TENM2: variants seen among roughly 807,000 people sequenced by gnomAD.
The protein encoded by TENM2 is teneurin-2.
Under a neutral mutation model 245.2 loss-of-function variants are expected in TENM2, and 52 were observed. The observed-to-expected ratio is 0.21, with a 90% CI of 0.17 to 0.27. The LOEUF is 0.27. TENM2 is among the 10% of genes least tolerant of loss of function. TENM2 has a pLI of 1.00. For synonymous variants in TENM2, 1,363 were observed against 1,438.9 expected (o/e 0.95, Z 1.19); for missense variants, 3,046 against 3,666.8 (o/e 0.83, Z 4.37).
intron 4 of TENM2, among the ~76,000 whole-genome samples, chr5:167,986,886 C>T (rs1401444806): frequency 6.6e-6 from 1 of 152,206 alleles, no homozygotes; most frequent in Admixed American, 6.5e-5. Context: ...CTGGCCAAAC[C>T]ATTACCTTGT....
At chr5:168,181,953 C>T (rs1354359681) in intron 13 of TENM2, among the ~76,000 whole-genome samples, 2 of 151,942 alleles carry the variant, frequency 1.3e-5, no homozygotes, top group African/African-American at 2.4e-5. Context: ...CTGGGATTAC[C>T]GGCGTGAGCC....
At chr5:167,726,068 A>G (rs113514595) in intron 2 of TENM2, among the ~76,000 whole-genome samples, 2,025 of 152,326 alleles carry the variant, frequency 0.013, 44 homozygotes, top group African/African-American at 0.046. Context: ...CTAGATTGTC[A>G]GATGGTAGGG....
intron 2 of TENM2, among the ~76,000 whole-genome samples, chr5:167,869,054 G>T (rs1045748235): frequency 6.6e-6 from 1 of 152,164 alleles, no homozygotes; most frequent in Non-Finnish European, 1.5e-5. Context: ...CTCCCAAATA[G>T]TAGAGTAAGT....
chr5:167,967,501 AGGTACCT>A (rs1197162833), intron 4 of TENM2, among the ~76,000 whole-genome samples: 1 of 152,244 alleles, frequency 6.6e-6, no homozygotes, highest in Non-Finnish European at 1.5e-5. Flanking sequence ...TGGAAAGTGG[AGGTACCT>A]AAGGAGAAGC....
intron 8 of TENM2, among the ~76,000 whole-genome samples, chr5:168,092,153 A>G (rs1792999015): frequency 6.6e-6 from 1 of 152,228 alleles, no homozygotes; most frequent in Non-Finnish European, 1.5e-5. Flanking sequence ...CCAACCTGAA[A>G]TTCAGGTGGC....
At chr5:167,355,372 G>A (rs1453134144) in intron 1 of TENM2, among the ~76,000 whole-genome samples, 3 of 70,674 alleles carry the variant, frequency 4.2e-5, no homozygotes, top group African/African-American at 5.2e-5. Flanking sequence ...TTTCTTATCC[G>A]AATGGAGATT....
At position 167,864,682 on chromosome 5, in the gene TENM2, T is replaced by G. The variant is rs138444129; in HGVS notation, c.503-11304T>G. Among the ~76,000 whole-genome samples, 925 of 152,328 alleles carry G rather than the reference T, an allele frequency of 6.1e-3. 6 individuals are homozygous for G. The highest frequency in any genetic ancestry group is 0.014 in the South Asian group (66 of 4,830). On this transcript the variant is annotated intron_variant, in intron 2 of 28. Transcript: ENST00000518659. ...GTGCACTGTGGCATGAGGTCTAAAA[T>G]CAGAAAACCTCGGTTCCAACTCTTC...
intron 2 of TENM2, among the ~76,000 whole-genome samples, chr5:167,740,070 G>A (rs1761068368): frequency 1.3e-5 from 2 of 152,174 alleles, no homozygotes; most frequent in South Asian, 2.1e-4. Context: ...CTAGGAGACT[G>A]CCAGCTTGCT....
chr5:168,177,795 C>A (rs1759489582), intron 13 of TENM2, among the ~76,000 whole-genome samples: 1 of 152,212 alleles, frequency 6.6e-6, no homozygotes, highest in Non-Finnish European at 1.5e-5. Context: ...CAAGATTGCA[C>A]CACTGCACTG....
At chr5:167,664,325 A>G (rs1263194379) in intron 2 of TENM2, among the ~76,000 whole-genome samples, 2 of 152,244 alleles carry the variant, frequency 1.3e-5, no homozygotes, top group East Asian at 3.8e-4. Context: ...AGCATTAGAT[A>G]AACAAAATCC....
intron 2 of TENM2, among the ~76,000 whole-genome samples, chr5:167,694,627 G>C (rs1337870672): frequency 6.6e-6 from 1 of 152,052 alleles, no homozygotes; most frequent in Non-Finnish European, 1.5e-5. Context: ...GAGCTTAGTG[G>C]AAAAAGTCTG....
At chr5:167,087,628 G>A in the TENM2 span, among the ~76,000 whole-genome samples, 1 of 152,112 alleles carries the variant, frequency 6.6e-6, no homozygotes, top group Non-Finnish European at 1.5e-5. Flanking sequence ...TTAAATGAAC[G>A]TTCTGTGCGT....
At chr5:167,845,987 C>T (rs1770005901) in intron 2 of TENM2, among the ~76,000 whole-genome samples, 1 of 152,164 alleles carries the variant, frequency 6.6e-6, no homozygotes, top group South Asian at 2.1e-4. Context: ...CCAGCCTCAT[C>T]CTTCACCCCA....
the TENM2 span, among the ~76,000 whole-genome samples, chr5:166,985,126 G>A: frequency 2.0e-5 from 3 of 152,206 alleles, no homozygotes; most frequent in South Asian, 6.2e-4. Flanking sequence ...AAGGTGGTTT[G>A]GTTATAATTC....
chr5:167,622,961 A>G (rs1197620804), intron 2 of TENM2, among the ~76,000 whole-genome samples: 2 of 152,122 alleles, frequency 1.3e-5, no homozygotes. Context: ...CTAACAATGT[A>G]TAGTTGTCTG....
the TENM2 span, among the ~76,000 whole-genome samples, chr5:167,253,536 C>T: frequency 1.3e-5 from 2 of 151,850 alleles, no homozygotes; most frequent in African/African-American, 2.4e-5. Context: ...AAAATCTTAC[C>T]GACTCCAAAA....
chr5:167,893,568 AGTATTTTCTT>A (rs985256892), intron 3 of TENM2, among the ~76,000 whole-genome samples: 1 of 151,546 alleles, frequency 6.6e-6, no homozygotes, highest in Non-Finnish European at 1.5e-5. Flanking sequence ...CTTCGTTGCT[AGTATTTTCTT>A]GTATTTTCTT....
chr5:168,015,489 G>T (rs1018649336), intron 5 of TENM2, among the ~76,000 whole-genome samples: 1 of 152,224 alleles, frequency 6.6e-6, no homozygotes, highest in Non-Finnish European at 1.5e-5. Flanking sequence ...GTGCTTCTGA[G>T]TTGAACTGAC....
intron 2 of TENM2, among the ~76,000 whole-genome samples, chr5:167,785,350 A>C (rs143590885): frequency 1.3e-5 from 2 of 152,212 alleles, no homozygotes; most frequent in African/African-American, 4.8e-5. Context: ...GTTTTAAGGA[A>C]GTTTCTTTCT....
Sources: allele counts gnomAD v4.1 joint callset (sites outside exome capture counted in the v4.1 genomes callset), GRCh38; gene constraint gnomAD v4.1.1; transcripts MANE v1.5; gene names NCBI Gene and HGNC (gene_info 2026-07-23, HGNC 2026-07-21).